Variants in WHRN observed in about 807,000 individuals in gnomAD.
WHRN encodes CASK-interacting protein CIP98.
Under a neutral mutation model 68.3 loss-of-function variants are expected in WHRN, and 41 were observed. The observed-to-expected ratio is 0.60, with a 90% CI of 0.47 to 0.78. The LOEUF is 0.78. Among genes scored for constraint, WHRN ranks in the 30% least tolerant of loss-of-function variants. WHRN has a pLI of 0.00. For synonymous variants in WHRN, 560 were observed against 561.3 expected (o/e 1.00, Z 0.03); for missense variants, 1,243 against 1,244.7 (o/e 1.00, Z 0.02).
intron 7 of WHRN, among the ~76,000 whole-genome samples, chr9:114,415,801 C>A (rs943094202): frequency 1.3e-5 from 2 of 152,184 alleles, no homozygotes; most frequent in Non-Finnish European, 2.9e-5. Flanking sequence ...TCCTCTCTTA[C>A]CCCGCTCATG....
rs904508855 is a variant in WHRN at position 114,504,874 on chromosome 9, C to A, written c.-73G>T. 1.0e-5 allele frequency: 14 copies of A among 1,333,582 alleles called. No homozygotes were observed. The highest frequency in any genetic ancestry group is 1.2e-5 in the Non-Finnish European group (13 of 1,051,214). The allele number at this position is 1,333,582 out of a possible 1,614,324, so 82.6% of individuals were successfully genotyped here. ...GTGCCGCTGTCCTCGCGGGTACTGG[C>A]GCGACAGCTGGATCCCCGGGAGCGC... is the stretch of plus-strand genomic sequence containing the variant. On this transcript the variant is annotated 5_prime_UTR_variant, in exon 1 of 12. Transcript: ENST00000362057.
Position 114,499,977 on chromosome 9 carries a change from A to ATT in WHRN, c.618+4205_618+4206dup, listed in dbSNP as rs11388045. Among the ~76,000 whole-genome samples, 8 of 152,168 alleles carry ATT rather than the reference A, an allele frequency of 5.3e-5. No homozygotes were observed. In the South Asian group the frequency reaches 8.3e-4, roughly 16 times the overall value. ...GCAATAATTTTCTATAAAAATACCGATTTTTTTAAGGGCATTCTCTTCCAT... is the reference window on the plus strand; with the variant it reads ...GCAATAATTTTCTATAAAAATACCGATTTTTTTTTAAGGGCATTCTCTTCCAT... On this transcript the variant is annotated intron_variant, in intron 1 of 11. Coordinates refer to ENST00000362057, the MANE Select transcript of WHRN (RefSeq NM_015404.4).
chr9:114,450,825 TTC>T (rs1491253111), intron 3 of WHRN, among the ~76,000 whole-genome samples: 16 of 122,950 alleles, frequency 1.3e-4, no homozygotes, highest in African/African-American at 6.7e-4. Flanking sequence ...TATTATTAGT[TTC>T]CCCCCCCGCA....
At chr9:114,443,173 A>C (rs1838527265) in intron 3 of WHRN, among the ~76,000 whole-genome samples, 1 of 152,238 alleles carries the variant, frequency 6.6e-6, no homozygotes, top group Admixed American at 6.5e-5. Context: ...AGTGCCTCCC[A>C]AGGGGAAGAG....
intron 2 of WHRN, chr9:114,478,177 A>G (rs1379881781): frequency 9.8e-6 from 6 of 609,658 alleles, no homozygotes; most frequent in Admixed American, 5.9e-5. Context: ...AATCCCAGCT[A>G]CTCAGGAGGC....
chr9:114,475,243 C>T (rs976325090), intron 2 of WHRN, among the ~76,000 whole-genome samples: 3 of 152,332 alleles, frequency 2.0e-5, no homozygotes, highest in Admixed American at 6.5e-5. Flanking sequence ...CACACTGATG[C>T]TATCCCACTT....
chr9:114,453,721 T>C (rs1385601648), intron 3 of WHRN, among the ~76,000 whole-genome samples: 2 of 152,182 alleles, frequency 1.3e-5, no homozygotes, highest in East Asian at 1.9e-4. Flanking sequence ...AGATATCCTA[T>C]ATATTACATG....
At chr9:114,489,590 T>C (rs1842818621) in intron 1 of WHRN, among the ~76,000 whole-genome samples, 1 of 152,158 alleles carries the variant, frequency 6.6e-6, no homozygotes, top group Admixed American at 6.5e-5. Flanking sequence ...GCTTTTCAGG[T>C]TAACTCACTC....
At chr9:114,445,972 G>A (rs1012017132) in intron 3 of WHRN, among the ~76,000 whole-genome samples, 1 of 152,134 alleles carries the variant, frequency 6.6e-6, no homozygotes, top group Admixed American at 6.5e-5. Flanking sequence ...ATTACAAGTT[G>A]TACCCATAAG....
intron 3 of WHRN, among the ~76,000 whole-genome samples, chr9:114,432,982 C>T (rs545246435): frequency 6.6e-6 from 1 of 152,312 alleles, no homozygotes; most frequent in African/African-American, 2.4e-5. Flanking sequence ...CTGACCTACA[C>T]ACATTGACCA....
At chr9:114,430,360 T>C (rs937132093) in intron 3 of WHRN, among the ~76,000 whole-genome samples, 1 of 152,236 alleles carries the variant, frequency 6.6e-6, no homozygotes. Flanking sequence ...ATAGGGCATA[T>C]ACATACTAAA....
chr9:114,404,082 A>AGAGG lies in WHRN; in HGVS notation c.2237-9_2237-6dup. 6.2e-7 allele frequency: 1 copy of AGAGG among 1,612,168 alleles called. No homozygotes were observed. The highest frequency in any genetic ancestry group is 1.1e-5 in the South Asian group (1 of 91,056). Reference sequence around the variant, plus strand: ...GCTGGGAGAGCGTAGAGGCTGCTGGAGAGGGGAAAAGGAAGAGAGAAGCAG... The same window carrying AGAGG: ...GCTGGGAGAGCGTAGAGGCTGCTGGAGAGGGAGGGGAAAAGGAAGAGAGAAGCAG... On this transcript the variant is annotated splice_polypyrimidine_tract_variant and splice_region_variant and intron_variant, in intron 9 of 11. Coordinates refer to ENST00000362057, the MANE Select transcript of WHRN (RefSeq NM_015404.4).
At chr9:114,490,130 A>C (rs1842863045) in intron 1 of WHRN, among the ~76,000 whole-genome samples, 1 of 152,130 alleles carries the variant, frequency 6.6e-6, no homozygotes, top group Non-Finnish European at 1.5e-5. Flanking sequence ...CTGTGCGGCC[A>C]CCTCGCTTCC....
intron 3 of WHRN, among the ~76,000 whole-genome samples, chr9:114,450,287 G>A (rs551761432): frequency 2.4e-4 from 37 of 152,302 alleles, no homozygotes; most frequent in South Asian, 1.0e-3. Context: ...TCTGCCACAA[G>A]TCCTCGAAAG....
rs185214148 is a variant in WHRN at position 114,482,656 on chromosome 9, C to T, written c.619-3885G>A. ...GTCTGCATGGAGATCGAAAACCATG[C>T]GGTAGCAAAACGTTGACCAAGGAGT... On this transcript the variant is annotated intron_variant, in intron 1 of 11. Coordinates refer to ENST00000362057, the MANE Select transcript of WHRN (RefSeq NM_015404.4). Among the ~76,000 whole-genome samples the T allele has an allele frequency of 1.9e-3, 281 of 151,350 alleles. 4 individuals carry two copies. The South Asian group carries it at 0.031, about 16-fold the overall frequency.
intron 1 of WHRN, among the ~76,000 whole-genome samples, chr9:114,492,015 G>GAAA (rs60968756): frequency 1.4e-5 from 2 of 144,522 alleles, no homozygotes; most frequent in Non-Finnish European, 1.5e-5. Context: ...TTTGTAATTT[G>GAAA]AAAAAAAAAA....
At chr9:114,409,209 G>T (rs1835252625) in intron 7 of WHRN, among the ~76,000 whole-genome samples, 1 of 151,568 alleles carries the variant, frequency 6.6e-6, no homozygotes, top group Non-Finnish European at 1.5e-5. Flanking sequence ...AGCAGTCTCT[G>T]AAGCTCCAGG....
At position 114,429,002 on chromosome 9, in the gene WHRN, C is replaced by T. The variant is rs192815058; in HGVS notation, c.964-2589G>A. On this transcript the variant is annotated intron_variant, in intron 3 of 11. Coordinates refer to ENST00000362057, the MANE Select transcript of WHRN (RefSeq NM_015404.4). ...CTAGAGTGTAGTGGCGCAATCTCGG[C>T]TCACTGCAACCTCCACCTCCTGGGT... Among the ~76,000 whole-genome samples, 173 of 151,988 alleles carry T rather than the reference C, an allele frequency of 1.1e-3. 2 individuals carry two copies. Among genetic ancestry groups the T allele is most frequent in the African/African-American group, 4.0e-3 (165 of 41,422 alleles).
intron 6 of WHRN, among the ~76,000 whole-genome samples, chr9:114,423,889 C>G (rs938005876): frequency 6.6e-6 from 1 of 152,212 alleles, no homozygotes; most frequent in African/African-American, 2.4e-5. Flanking sequence ...CATAACCCCT[C>G]CCAGTGGATT....
Sources: allele counts gnomAD v4.1 joint callset (sites outside exome capture counted in the v4.1 genomes callset), GRCh38; gene constraint gnomAD v4.1.1; transcripts MANE v1.5; gene names NCBI Gene and HGNC (gene_info 2026-07-23, HGNC 2026-07-21).